JAK1: variants seen among roughly 807,000 people sequenced by gnomAD.
JAK1 encodes the protein Janus kinase 1.
A neutral mutation model predicts 136.6 loss-of-function variants in JAK1; 16 were observed. The ratio of observed to expected loss-of-function variants is 0.12; its 90% CI spans 0.08 to 0.18. JAK1 has a LOEUF of 0.18. JAK1 is among the 10% of genes least tolerant of loss of function. The pLI is 1.00. For missense variants in JAK1, 859 were observed against 1,450.1 expected, an observed-to-expected ratio of 0.59 and a Z score of 6.62; for synonymous variants, 492 against 519.5, an observed-to-expected ratio of 0.95 and a Z score of 0.72.
At chr1:64,864,098 G>A (rs1246295983) in intron 8 of JAK1, among the ~76,000 whole-genome samples, 1 of 152,220 alleles carries the variant, frequency 6.6e-6, no homozygotes, top group Non-Finnish European at 1.5e-5. Flanking sequence ...CGTTATCATT[G>A]TGACACAGTA....
At chr1:64,883,206 C>T (rs1644801778) in intron 3 of JAK1, 71 bp downstream of exon 3, 4 of 1,293,692 alleles carry the variant, frequency 3.1e-6, no homozygotes, top group Middle Eastern at 2.6e-4. Context: ...CTACAAGGGG[C>T]AGAGACCCCC....
chr1:64,839,092 G>A (rs1451977248), intron 20 of JAK1, among the ~76,000 whole-genome samples: 5 of 139,066 alleles, frequency 3.6e-5, no homozygotes, highest in East Asian at 2.1e-4. Context: ...CTTGCAGTGA[G>A]CCGAGATTGC....
chr1:64,866,796 A>G, intron 7 of JAK1, 70 bp downstream of exon 7: 2 of 1,160,868 alleles, frequency 1.7e-6, no homozygotes, highest in Non-Finnish European at 2.5e-6. Flanking sequence ...AGATGACTCC[A>G]GAAGGATAAA....
chr1:64,908,491 A>T (rs1645228212), intron 1 of JAK1, among the ~76,000 whole-genome samples: 1 of 152,116 alleles, frequency 6.6e-6, no homozygotes, highest in Admixed American at 6.5e-5. Flanking sequence ...TAGATTGAAA[A>T]ATATATATAT....
At chr1:64,965,962 G>C (rs797008977) in intron 1 of JAK1, among the ~76,000 whole-genome samples, 23 of 152,172 alleles carry the variant, frequency 1.5e-4, no homozygotes, top group African/African-American at 5.3e-4. Context: ...AGCTAGGGAC[G>C]TCAGCCCTCC....
At chr1:64,979,935 A>G (rs1646529257) in intron 2 of JAK1, 1 of 152,188 alleles carries the variant, frequency 6.6e-6, no homozygotes, top group Admixed American at 6.5e-5. Flanking sequence ...AGAATTGTTA[A>G]GATTAGGTTT....
At chr1:65,045,491 G>A (rs1647176178) in intron 1 of JAK1, among the ~76,000 whole-genome samples, 1 of 150,920 alleles carries the variant, frequency 6.6e-6, no homozygotes, top group African/African-American at 2.5e-5. Flanking sequence ...GTGGTGGGAA[G>A]CATGAAAGCA....
chr1:65,027,850 C>T (rs1431654503), intron 2 of JAK1, among the ~76,000 whole-genome samples: 2 of 152,212 alleles, frequency 1.3e-5, no homozygotes, highest in Non-Finnish European at 2.9e-5. Context: ...GTGCTGCACC[C>T]TGGATGCTGG....
At chr1:64,874,409 A>G (rs758035920) in intron 4 of JAK1, among the ~76,000 whole-genome samples, 3 of 152,128 alleles carry the variant, frequency 2.0e-5, no homozygotes, top group Non-Finnish European at 2.9e-5. Context: ...TCATGAATAC[A>G]TAAGATATAT....
At chr1:64,888,292 A>T (rs1570711922) in intron 1 of JAK1, among the ~76,000 whole-genome samples, 2 of 152,028 alleles carry the variant, frequency 1.3e-5, no homozygotes, top group Non-Finnish European at 2.9e-5. Flanking sequence ...AGTGATTCTC[A>T]TGCCTCAGCC....
At position 65,063,815 on chromosome 1, in the gene JAK1, AAAAAAAAAGAAAG is replaced by A. The variant is rs1430116329; in HGVS notation, c.-181+3776_-181+3788del. Reference sequence around the variant, plus strand: ...GAGAGACTCTATCTCAAAAAAAAAAAAAAAAAAAGAAAGAAAAAAAGAAAAGAAATTAATTCAT... The same window carrying A: ...GAGAGACTCTATCTCAAAAAAAAAAAAAAAAAAGAAAAGAAATTAATTCAT... On this transcript the variant is annotated intron_variant, in intron 1 of 25. Coordinates refer to the JAK1 transcript ENST00000671954. Among the ~76,000 whole-genome samples the A allele has an allele frequency of 9.2e-5, 14 of 151,672 alleles. No individual in the cohort carries two copies. In the South Asian group the frequency reaches 2.7e-3, roughly 29 times the overall value.
chr1:64,842,639 G>A (rs903051467), intron 17 of JAK1, among the ~76,000 whole-genome samples: 11 of 152,156 alleles, frequency 7.2e-5, no homozygotes, highest in Admixed American at 2.0e-4. Context: ...TTAAAGACAC[G>A]GGTCCTTCCT....
At chr1:64,933,358 G>A (rs979033371) in intron 1 of JAK1, among the ~76,000 whole-genome samples, 36 of 152,210 alleles carry the variant, frequency 2.4e-4, no homozygotes, top group African/African-American at 9.6e-5. Context: ...CCAGCTCAGC[G>A]AAACTATTCA....
chr1:64,874,949 C>T (rs956386034), intron 4 of JAK1, among the ~76,000 whole-genome samples: 2 of 152,216 alleles, frequency 1.3e-5, no homozygotes, highest in Non-Finnish European at 2.9e-5. Flanking sequence ...TATCCAGCAA[C>T]ACACAATGGG....
In JAK1 at chr1:64,975,670, G is replaced by A. The variant is rs144010796; in HGVS notation, c.-78+68810C>T. Among the ~76,000 whole-genome samples, 7 of 152,256 alleles carry A rather than the reference G, an allele frequency of 4.6e-5. No individual in the cohort carries two copies. In the East Asian group the frequency reaches 5.8e-4, roughly 13 times the overall value. On this transcript the variant is annotated intron_variant, in intron 2 of 25. Coordinates refer to the JAK1 transcript ENST00000671954. ...TTTTTGAGAAATGTTATGTGGTGAC[G>A]TGACCCAAATCTTCATTCCTTGTGG...
intron 1 of JAK1, among the ~76,000 whole-genome samples, chr1:65,065,930 C>A (rs547715194): frequency 6.0e-5 from 9 of 151,232 alleles, no homozygotes; most frequent in African/African-American, 1.7e-4. Context: ...TGGTGGGGGA[C>A]AGGTCCAGAG....
At chr1:64,940,407 C>T (rs1645868392) in intron 1 of JAK1, among the ~76,000 whole-genome samples, 1 of 150,952 alleles carries the variant, frequency 6.6e-6, no homozygotes, top group Non-Finnish European at 1.5e-5. Context: ...ACCTCTGCCT[C>T]TCAGGTTCAA....
intron 1 of JAK1, among the ~76,000 whole-genome samples, chr1:64,910,919 T>C (rs1026385105): frequency 6.6e-6 from 1 of 151,100 alleles, no homozygotes; most frequent in East Asian, 1.9e-4. Flanking sequence ...GCAAACAAAC[T>C]GTACTCTTCA....
At chr1:64,967,142 T>C (rs1483548055), upstream of JAK1, among the ~76,000 whole-genome samples, 1 of 152,230 alleles carries the variant, frequency 6.6e-6, no homozygotes, top group Non-Finnish European at 1.5e-5. Context: ...TTTCATTTTT[T>C]ACTAATAACC....
Sources: allele counts gnomAD v4.1 joint callset (sites outside exome capture counted in the v4.1 genomes callset), GRCh38; gene constraint gnomAD v4.1.1; transcripts MANE v1.5; gene names NCBI Gene and HGNC (gene_info 2026-07-23, HGNC 2026-07-21).